COLEC12: variants seen among roughly 807,000 people sequenced by gnomAD.
COLEC12 encodes collectin-12.
COLEC12 carries 33 observed loss-of-function variants against 71.1 expected under a neutral mutation model. The ratio of observed to expected loss-of-function variants is 0.46; its 90% CI spans 0.35 to 0.62. The LOEUF (loss-of-function observed/expected upper bound fraction) is 0.62, where lower values mean the gene tolerates loss of function less well. Ranked by LOEUF, COLEC12 falls within the 20% of genes least tolerant of loss-of-function variation. The pLI, the probability that COLEC12 is intolerant of heterozygous loss-of-function variation, is 0.00. For synonymous variants in COLEC12, 350 were observed against 353.0 expected, an observed-to-expected ratio of 0.99 and a Z score of 0.10; for missense variants, 765 against 916.1, an observed-to-expected ratio of 0.84 and a Z score of 2.13.
At chr18:464,885 A>G (rs55758873) in intron 2 of COLEC12, among the ~76,000 whole-genome samples, 44,663 of 152,152 alleles carry the variant, frequency 0.29, 6,801 homozygotes, top group Middle Eastern at 0.36. Flanking sequence ...TGGTTGGGGA[A>G]GCCCAGTGGG....
chr18:336,209 G>C (rs967844545), intron 5 of COLEC12, among the ~76,000 whole-genome samples: 2 of 152,120 alleles, frequency 1.3e-5, no homozygotes, highest in African/African-American at 4.8e-5. Context: ...CTGTGGGGGT[G>C]CTGCTGTCCT....
chr18:359,258 C>T (rs757636389), intron 2 of COLEC12, among the ~76,000 whole-genome samples: 1 of 152,124 alleles, frequency 6.6e-6, no homozygotes, highest in Admixed American at 6.5e-5. Context: ...AGTATTTACA[C>T]CATAGAAATT....
At chr18:335,801 C>T (rs1178981008) in intron 5 of COLEC12, among the ~76,000 whole-genome samples, 1 of 152,196 alleles carries the variant, frequency 6.6e-6, no homozygotes, top group Non-Finnish European at 1.5e-5. Context: ...AGTAAGCTCA[C>T]CCTTCTTCTT....
chr18:373,332 C>T (rs1455968235), intron 2 of COLEC12, among the ~76,000 whole-genome samples: 6 of 152,174 alleles, frequency 3.9e-5, no homozygotes, highest in East Asian at 1.9e-4. Flanking sequence ...ACTTCTCCCA[C>T]GAGGCTTTCG....
chr18:319,901 A>G lies in COLEC12; in HGVS notation c.*144T>C. Reference sequence around the variant, plus strand: ...TCTTTGGGTAATGACGGATGGTAAAAAACACTAGCTGTCAATTTTTTTTCA... The same window carrying G: ...TCTTTGGGTAATGACGGATGGTAAAGAACACTAGCTGTCAATTTTTTTTCA... On this transcript the variant is annotated 3_prime_UTR_variant, in exon 10 of 10. Coordinates refer to ENST00000400256, the MANE Select transcript of COLEC12 (RefSeq NM_130386.3). 1 of 666,744 alleles carries G rather than the reference A, an allele frequency of 1.5e-6. No homozygotes were observed. Among genetic ancestry groups the G allele is most frequent in the Non-Finnish European group, 2.7e-6 (1 of 374,758 alleles). 41.3% of individuals were successfully genotyped at this position (666,744 alleles called of 1,614,324 possible).
intron 2 of COLEC12, among the ~76,000 whole-genome samples, chr18:417,559 T>C (rs1940435): frequency 0.31 from 47,023 of 152,076 alleles, 7,567 homozygotes; most frequent in African/African-American, 0.41. Context: ...TCAACATGCC[T>C]GTCTAGTGAC....
At chr18:436,809 G>A (rs548308781) in intron 2 of COLEC12, among the ~76,000 whole-genome samples, 8 of 152,152 alleles carry the variant, frequency 5.3e-5, no homozygotes, top group Admixed American at 2.0e-4. Context: ...CAGCTGCCAA[G>A]TTTCGAGGCC....
At chr18:423,210 A>G (rs1916132574) in intron 2 of COLEC12, among the ~76,000 whole-genome samples, 1 of 152,202 alleles carries the variant, frequency 6.6e-6, no homozygotes, top group Admixed American at 6.5e-5. Flanking sequence ...TCAAGGCTGC[A>G]GTGAGCCATG....
chr18:458,748 TTC>T (rs1322219836), intron 2 of COLEC12, among the ~76,000 whole-genome samples: 1 of 152,260 alleles, frequency 6.6e-6, no homozygotes, highest in Admixed American at 6.5e-5. Flanking sequence ...TCCTCAAGAC[TTC>T]TCTCTCCCAC....
intron 2 of COLEC12, among the ~76,000 whole-genome samples, chr18:465,983 G>A (rs535948216): frequency 6.6e-6 from 1 of 152,268 alleles, no homozygotes; most frequent in South Asian, 2.1e-4. Flanking sequence ...CAGGAGAATT[G>A]CTTGAACCCA....
chr18:496,956 T>C (rs1917723529), intron 1 of COLEC12, among the ~76,000 whole-genome samples: 1 of 152,158 alleles, frequency 6.6e-6, no homozygotes, highest in Admixed American at 6.5e-5. Context: ...TGAATATGTA[T>C]CCAAAAAGCC....
intron 3 of COLEC12, among the ~76,000 whole-genome samples, chr18:350,952 T>G (rs1199602662): frequency 7.1e-6 from 1 of 140,600 alleles, no homozygotes; most frequent in African/African-American, 2.8e-5. Flanking sequence ...AGAGCGAGAC[T>G]CTGTCTCAAA....
intron 2 of COLEC12, among the ~76,000 whole-genome samples, chr18:454,779 G>A (rs1016927813): frequency 5.9e-5 from 9 of 152,154 alleles, no homozygotes; most frequent in African/African-American, 1.9e-4. Context: ...GACGGTTTTC[G>A]ATTAGTTTGT....
At chr18:452,635 A>T (rs1916785136) in intron 2 of COLEC12, among the ~76,000 whole-genome samples, 1 of 152,326 alleles carries the variant, frequency 6.6e-6, no homozygotes, top group Admixed American at 6.5e-5. Flanking sequence ...ATTCTGTGGG[A>T]GGACGAAAGA....
chr18:373,000 C>G (rs908463753), intron 2 of COLEC12, among the ~76,000 whole-genome samples: 1 of 152,078 alleles, frequency 6.6e-6, no homozygotes, highest in Non-Finnish European at 1.5e-5. Context: ...TGTGTGTATT[C>G]TAGTTAGAGA....
chr18:319,679 G>A lies in COLEC12; in HGVS notation c.*366C>T, dbSNP rs1317183100. ...TGGGATTTTAGAAATGTATGGCACT[G>A]TTTACACAGTATATGCTTAAGTTCT... is the stretch of plus-strand genomic sequence containing the variant. On this transcript the variant is annotated 3_prime_UTR_variant, in exon 10 of 10. Transcript: ENST00000400256. 1 of 236,384 alleles carries A rather than the reference G, an allele frequency of 4.2e-6. No individual in the cohort carries two copies. The highest frequency in any genetic ancestry group is 5.9e-5 in the Admixed American group (1 of 17,020). 14.6% of individuals were successfully genotyped at this position (236,384 alleles called of 1,614,324 possible).
At chr18:389,403 C>T (rs531578703) in intron 2 of COLEC12, among the ~76,000 whole-genome samples, 14 of 151,960 alleles carry the variant, frequency 9.2e-5, no homozygotes, top group African/African-American at 2.9e-4. Context: ...CTCAGCCTTC[C>T]GAGTAGCTGG....
chr18:360,503 T>G (rs945749354), intron 2 of COLEC12, among the ~76,000 whole-genome samples: 5 of 151,950 alleles, frequency 3.3e-5, no homozygotes, highest in African/African-American at 1.2e-4. Context: ...GAATTTGGAT[T>G]TCTAAGAAGT....
chr18:496,637 T>C (rs973626281), intron 1 of COLEC12, among the ~76,000 whole-genome samples: 1 of 152,232 alleles, frequency 6.6e-6, no homozygotes, highest in Non-Finnish European at 1.5e-5. Flanking sequence ...GGGAGAAGTA[T>C]ACTGCTTACT....
Sources: gnomAD v4.1 joint callset for allele counts (sites outside exome capture counted in the v4.1 genomes callset) on GRCh38, gnomAD v4.1.1 for gene constraint, MANE v1.5 for transcripts, NCBI Gene and HGNC (gene_info 2026-07-23, HGNC 2026-07-21) for gene names.